KLHL13: variants seen among roughly 807,000 people sequenced by gnomAD.
The protein encoded by KLHL13 is kelch-like protein 13.
KLHL13 carries 10 observed loss-of-function variants against 37.1 expected under a neutral mutation model. The observed-to-expected ratio is 0.27, with a 90% CI of 0.17 to 0.46. The LOEUF is 0.46. Ranked by LOEUF, KLHL13 falls within the 20% of genes least tolerant of loss-of-function variation. The pLI is 1.00. For synonymous variants in KLHL13, 163 were observed against 181.2 expected (o/e 0.90, Z 0.81); for missense variants, 360 against 509.3 (o/e 0.71, Z 2.82).
chrX:117,899,736 C>T (rs1176848326), intron 6 of KLHL13, among the ~76,000 whole-genome samples: 1 of 112,080 alleles, frequency 8.9e-6, no homozygotes, highest in Non-Finnish European at 1.9e-5. Flanking sequence ...ATTCCAACTA[C>T]AAAGCATCAT....
At chrX:118,060,846 C>T (rs1037145775) in intron 1 of KLHL13, among the ~76,000 whole-genome samples, 1 of 111,755 alleles carries the variant, frequency 8.9e-6, no homozygotes, top group Non-Finnish European at 1.9e-5. Context: ...GCTTAAACAA[C>T]AGATTCAACA....
chrX:118,086,533 T>A (rs1175757129), intron 1 of KLHL13, among the ~76,000 whole-genome samples: 6 of 112,071 alleles, frequency 5.4e-5, no homozygotes, highest in Non-Finnish European at 1.1e-4. Context: ...TCAATTTTTT[T>A]AATTATATGA....
rs1280149023 is a variant in KLHL13 at position 117,968,069 on chromosome X, CA to C, written c.98+4661del. ...ATGTAGTGTCTTACATAAAGATTAACATGAAAAAACCATCCACGTGAGGACA... is the reference window on the plus strand; with the variant it reads ...ATGTAGTGTCTTACATAAAGATTAACTGAAAAAACCATCCACGTGAGGACA... On this transcript the variant is annotated intron_variant, in intron 1 of 6. Transcript: ENST00000262820. Among the ~76,000 whole-genome samples, 11 of 112,472 alleles carry C rather than the reference CA, an allele frequency of 9.8e-5. No homozygotes were observed. In the East Asian group the frequency reaches 2.5e-3, roughly 26 times the overall value.
At chrX:117,973,427 T>C (rs754357852) in exon 1 of KLHL13, 392 of 964,594 alleles carry the variant, frequency 4.1e-4, no homozygotes, top group Non-Finnish European at 4.9e-4. Context: ...AGTGACTAAA[T>C]TCAGCAGCCT....
chrX:118,026,040 A>G (rs1048346881), intron 1 of KLHL13, among the ~76,000 whole-genome samples: 1 of 111,404 alleles, frequency 9.0e-6, no homozygotes, highest in African/African-American at 3.3e-5. Flanking sequence ...ATAAAGGGGG[A>G]CTACTGTATA....
intron 1 of KLHL13, among the ~76,000 whole-genome samples, chrX:117,983,280 A>G (rs765548793): frequency 9.0e-6 from 1 of 111,463 alleles, no homozygotes; most frequent in South Asian, 3.8e-4. Flanking sequence ...CATGTTGGAA[A>G]ATATAAGGCA....
At chrX:117,958,234 T>C (rs772193776) in intron 1 of KLHL13, among the ~76,000 whole-genome samples, 14 of 111,901 alleles carry the variant, frequency 1.3e-4, no homozygotes, top group African/African-American at 4.5e-4. Context: ...CTACGTTTTA[T>C]TCCTATACAT....
intron 1 of KLHL13, among the ~76,000 whole-genome samples, chrX:118,053,439 A>G (rs1169703956): frequency 3.6e-5 from 4 of 110,983 alleles, no homozygotes; most frequent in Admixed American, 9.6e-5. Context: ...GAATTGAACA[A>G]TGAGAACACA....
At chrX:118,099,747 C>T (rs1046471134) in intron 1 of KLHL13, among the ~76,000 whole-genome samples, 1 of 109,756 alleles carries the variant, frequency 9.1e-6, no homozygotes, top group Non-Finnish European at 1.9e-5. Context: ...GCAGAGGTTG[C>T]AGTGAGCTGA....
At chrX:117,917,122 G>T (rs913260660) in intron 4 of KLHL13, among the ~76,000 whole-genome samples, 19 of 111,509 alleles carry the variant, frequency 1.7e-4, no homozygotes, top group African/African-American at 5.5e-4. Flanking sequence ...AGGAAAACTT[G>T]GGTTTTGCAT....
At chrX:118,007,370 C>CAAAA (rs57382655) in intron 1 of KLHL13, among the ~76,000 whole-genome samples, 10 of 46,564 alleles carry the variant, frequency 2.1e-4, no homozygotes, top group Non-Finnish European at 3.3e-4. Flanking sequence ...GAGACCCTGT[C>CAAAA]AAAAAAAAAA....
chrX:117,971,003 A>C (rs891178698), intron 1 of KLHL13, among the ~76,000 whole-genome samples: 20 of 111,615 alleles, frequency 1.8e-4, no homozygotes, highest in African/African-American at 6.2e-4. Flanking sequence ...TGTAGGTTCT[A>C]TCTTCTAAAT....
At chrX:117,973,819 A>ACCCCCCCCCCCCCTCCCCCCCCC (rs1202810193), upstream of KLHL13, 1 of 505,967 alleles carries the variant, frequency 2.0e-6, no homozygotes, top group Non-Finnish European at 2.2e-6. Context: ...CTTGTTCACC[A>ACCCCCCCCCCCCCTCCCCCCCCC]CCCCCCCCAC....
intron 1 of KLHL13, among the ~76,000 whole-genome samples, chrX:118,070,070 G>C (rs188799258): frequency 1.2e-4 from 14 of 112,365 alleles, no homozygotes; most frequent in East Asian, 2.8e-4. Context: ...ATGCATTACA[G>C]GTTTGTAGCC....
intron 1 of KLHL13, among the ~76,000 whole-genome samples, chrX:117,958,611 A>G: frequency 9.1e-6 from 1 of 109,576 alleles, no homozygotes; most frequent in Middle Eastern, 4.6e-3. Context: ...GCTATGTGCC[A>G]GGCACCACAC....
chrX:117,910,013 G>T (rs1021687832), exon 5 of KLHL13: 13 of 1,206,086 alleles, frequency 1.1e-5, no homozygotes, highest in Non-Finnish European at 1.5e-5. Flanking sequence ...TCTTCAAGAC[G>T]AAACTGTTAA....
intron 1 of KLHL13, among the ~76,000 whole-genome samples, chrX:118,025,446 G>A (rs977784256): frequency 2.7e-5 from 3 of 111,627 alleles, no homozygotes; most frequent in Non-Finnish European, 5.6e-5. Context: ...CATCCTTGCC[G>A]TAAATGCTAC....
At chrX:118,089,260 C>G (rs1226321703) in intron 1 of KLHL13, among the ~76,000 whole-genome samples, 1 of 110,512 alleles carries the variant, frequency 9.0e-6, no homozygotes. Context: ...TCACCACTAT[C>G]CAGTGGCTGT....
chrX:118,033,437 G>A (rs145744379), intron 1 of KLHL13, among the ~76,000 whole-genome samples: 17,106 of 110,401 alleles, frequency 0.15, 1,810 homozygotes, highest in African/African-American at 0.38. Context: ...GCCAATATTC[G>A]ACATTCTTAA....
Sources: allele counts gnomAD v4.1 joint callset (sites outside exome capture counted in the v4.1 genomes callset), GRCh38; gene constraint gnomAD v4.1.1; transcripts MANE v1.5; gene names NCBI Gene and HGNC (gene_info 2026-07-23, HGNC 2026-07-21).